DDX46: variants seen among roughly 807,000 people sequenced by gnomAD.
The protein encoded by DDX46 is DEAD-box helicase 46.
A neutral mutation model predicts 134.9 loss-of-function variants in DDX46; 30 were observed. That is an observed-to-expected ratio of 0.22 (90% confidence interval 0.17 to 0.30). DDX46 has a LOEUF of 0.30. Among genes scored for constraint, DDX46 ranks in the 10% least tolerant of loss-of-function variants. The pLI is 1.00. For missense variants in DDX46, 622 were observed against 1,248.7 expected, an observed-to-expected ratio of 0.50 and a Z score of 7.56; for synonymous variants, 415 against 404.1, an observed-to-expected ratio of 1.03 and a Z score of -0.32.
At chr5:134,818,102 A>G (rs1459414689) in intron 20 of DDX46, among the ~76,000 whole-genome samples, 1 of 151,860 alleles carries the variant, frequency 6.6e-6, no homozygotes, top group Non-Finnish European at 1.5e-5. Context: ...GGCATGCGCC[A>G]CCATGCCCAG....
intron 2 of DDX46, among the ~76,000 whole-genome samples, chr5:134,766,655 A>T (rs1753576360): frequency 6.6e-6 from 1 of 152,154 alleles, no homozygotes; most frequent in Non-Finnish European, 1.5e-5. Flanking sequence ...CAGAAGGCAG[A>T]GGTTGCAGTG....
At chr5:134,821,536 GTTTT>G (rs558162733) in intron 21 of DDX46, among the ~76,000 whole-genome samples, 1 of 94,456 alleles carries the variant, frequency 1.1e-5, no homozygotes, top group Admixed American at 9.7e-5. Flanking sequence ...TGGGTTTTTT[GTTTT>G]TTTTTTTTTT....
chr5:134,790,217 A>G (rs1031994071), intron 12 of DDX46: 11 of 588,688 alleles, frequency 1.9e-5, no homozygotes, highest in East Asian at 3.7e-5. Context: ...TTCAGGCCCT[A>G]TGATGGTATG....
intron 20 of DDX46, among the ~76,000 whole-genome samples, 165 bp downstream of exon 20, chr5:134,817,879 C>T (rs2150159266): frequency 6.6e-6 from 1 of 151,536 alleles, no homozygotes; most frequent in East Asian, 1.9e-4. Flanking sequence ...GTTCAAGGTA[C>T]ATTAGGATCT....
At chr5:134,773,460 CTT>C (rs1418092229) in intron 4 of DDX46, among the ~76,000 whole-genome samples, 2 of 152,026 alleles carry the variant, frequency 1.3e-5, no homozygotes, top group Non-Finnish European at 2.9e-5. Context: ...TGAAATCTAT[CTT>C]TTGGCTTTCT....
intron 6 of DDX46, among the ~76,000 whole-genome samples, chr5:134,780,202 ATG>A (rs1754099737): frequency 6.7e-6 from 1 of 148,748 alleles, no homozygotes. Context: ...ATGTATGTGT[ATG>A]TGTATATGTG....
chr5:134,791,732 T>C (rs1158906165), intron 13 of DDX46, among the ~76,000 whole-genome samples: 1 of 152,244 alleles, frequency 6.6e-6, no homozygotes, highest in Non-Finnish European at 1.5e-5. Flanking sequence ...AGTTTATCCA[T>C]GTACTCTCCA....
chr5:134,765,894 G>A (rs556431791), intron 2 of DDX46, among the ~76,000 whole-genome samples: 52 of 152,314 alleles, frequency 3.4e-4, no homozygotes, highest in African/African-American at 1.1e-3. Context: ...ATTAATTCAA[G>A]TACTTAAGTG....
At chr5:134,804,836 T>C (rs1439037834) in intron 15 of DDX46, 2 of 418,424 alleles carry the variant, frequency 4.8e-6, no homozygotes, top group African/African-American at 2.1e-5. Context: ...TTCTGTTCCT[T>C]GATAAGGAAA....
rs923210708 is a variant in DDX46 at position 134,814,541 on chromosome 5, C to T, written c.2437-1889C>T. Among the ~76,000 whole-genome samples the T allele has an allele frequency of 2.0e-5, 3 of 152,152 alleles. 1 individual carries two copies. The highest frequency in any genetic ancestry group is 2.9e-5 in the Non-Finnish European group (2 of 68,030). ...ACCATGAATGCTATTTAATTTAAAA[C>T]GGTTTTACTCAGGTAAATGTTGAGT... On this transcript the variant is annotated intron_variant, in intron 18 of 22. Coordinates refer to ENST00000452510, the MANE Select transcript of DDX46 (RefSeq NM_001300860.2).
chr5:134,820,079 G>T (rs1755399944), intron 21 of DDX46, among the ~76,000 whole-genome samples: 1 of 151,708 alleles, frequency 6.6e-6, no homozygotes, highest in African/African-American at 2.4e-5. Context: ...GCACCACCAT[G>T]CCTGGCTCAT....
chr5:134,781,055 CAGTT>C (rs1754137730), intron 6 of DDX46, 74 bp from the exon 7 acceptor site: 2 of 975,798 alleles, frequency 2.0e-6, no homozygotes, highest in Admixed American at 3.4e-5. Flanking sequence ...GAAATTGTGT[CAGTT>C]ACTGTGTGCT....
intron 14 of DDX46, 88 bp from the exon 15 acceptor site, chr5:134,795,900 C>A: frequency 8.6e-7 from 1 of 1,162,374 alleles, no homozygotes; most frequent in Non-Finnish European, 1.2e-6. Context: ...TATTGTCATT[C>A]ATTCACTACA....
intron 15 of DDX46, among the ~76,000 whole-genome samples, chr5:134,799,615 G>A (rs1421313587): frequency 4.6e-5 from 7 of 151,944 alleles, no homozygotes; most frequent in Non-Finnish European, 8.8e-5. Context: ...GCAGGTGCCT[G>A]TAATCCCAGC....
intron 20 of DDX46, 102 bp from the exon 21 acceptor site, chr5:134,818,758 C>T: frequency 1.1e-6 from 1 of 882,194 alleles, no homozygotes; most frequent in Non-Finnish European, 1.6e-6. Context: ...GAGAGAGAGA[C>T]CAACCATAAT....
intron 8 of DDX46, among the ~76,000 whole-genome samples, chr5:134,782,518 G>T (rs1037030058): frequency 1.8e-4 from 27 of 148,086 alleles, no homozygotes; most frequent in Admixed American, 4.1e-4. Flanking sequence ...GTTTTGTTTT[G>T]TTTTTTTTTT....
chr5:134,789,421 A>G (rs1754439188), intron 12 of DDX46, among the ~76,000 whole-genome samples: 3 of 152,330 alleles, frequency 2.0e-5, no homozygotes, highest in South Asian at 2.1e-4. Flanking sequence ...TAGTGTGTAC[A>G]TAATAGAGTA....
Position 134,818,300 on chromosome 5 carries a change from G to T in DDX46, c.2833-560G>T, listed in dbSNP as rs1438335052. On this transcript the variant is annotated intron_variant, in intron 20 of 22. Transcript: ENST00000452510. The stretch of plus-strand genomic sequence containing the variant: ...GTAGAGACGGGGTTTCTCCATGTTG[G>T]TCAGGCTGGTCTCGAACTCCCAACC... Among the ~76,000 whole-genome samples the T allele has an allele frequency of 9.3e-5, 14 of 150,678 alleles. No homozygotes were observed. In the East Asian group the frequency reaches 2.8e-3, roughly 30 times the overall value.
chr5:134,764,135 G>C, intron 2 of DDX46, 43 bp downstream of exon 2: 1 of 1,559,782 alleles, frequency 6.4e-7, no homozygotes, highest in African/African-American at 1.4e-5. Flanking sequence ...GATAAATTGG[G>C]CCTTCTCGGC....
Sources: gnomAD v4.1 joint callset for allele counts (sites outside exome capture counted in the v4.1 genomes callset) on GRCh38, gnomAD v4.1.1 for gene constraint, MANE v1.5 for transcripts, NCBI Gene and HGNC (gene_info 2026-07-23, HGNC 2026-07-21) for gene names.